MGAM2: variants seen among roughly 807,000 people sequenced by gnomAD.
MGAM2 encodes the protein probable maltase-glucoamylase 2.
Under a neutral mutation model 96.1 loss-of-function variants are expected in MGAM2, and 98 were observed. The observed-to-expected ratio is 1.02, with a 90% CI of 0.87 to 1.21. The LOEUF (loss-of-function observed/expected upper bound fraction) is 1.21. Among genes scored for constraint, MGAM2 ranks in the 50% most tolerant of loss-of-function variants. The probability of loss-of-function intolerance (pLI) is 0.00; values close to 1 mark genes in which losing one functional copy is unlikely to be tolerated. For synonymous variants in MGAM2, 749 were observed against 414.8 expected (o/e 1.81, Z -9.79); for missense variants, 2,055 against 1,182.4 (o/e 1.74, Z -10.82).
chr7:142,149,586 G>C (rs1012520117), intron 15 of MGAM2, among the ~76,000 whole-genome samples: 1 of 152,040 alleles, frequency 6.6e-6, no homozygotes, highest in Non-Finnish European at 1.5e-5. Flanking sequence ...TGTCGCCCAG[G>C]CTGGAGTGCA....
intron 6 of MGAM2, among the ~76,000 whole-genome samples, chr7:142,132,364 T>C (rs1390137442): frequency 1.4e-5 from 2 of 143,972 alleles, no homozygotes; most frequent in Non-Finnish European, 3.0e-5. Context: ...TTATATAATA[T>C]ATAATTACAT....
At chr7:142,141,688 C>T (rs1328253254) in intron 12 of MGAM2, among the ~76,000 whole-genome samples, 1 of 151,796 alleles carries the variant, frequency 6.6e-6, no homozygotes, top group African/African-American at 2.4e-5. Flanking sequence ...TTAGTAGAGA[C>T]GGGGTTTCTC....
chr7:142,194,694 GTA>G (rs202175220), intron 37 of MGAM2, among the ~76,000 whole-genome samples: 3,717 of 82,182 alleles, frequency 0.045, 63 homozygotes, highest in African/African-American at 0.059. Flanking sequence ...GAACATGTGT[GTA>G]TGTGTGTGTG....
chr7:142,164,551 TG>T (rs1360055848), intron 23 of MGAM2, among the ~76,000 whole-genome samples: 3 of 152,172 alleles, frequency 2.0e-5, no homozygotes, highest in Non-Finnish European at 4.4e-5. Flanking sequence ...CTTATCTTTT[TG>T]TTTACTGTGT....
At chr7:142,112,631 A>G (rs1303926439) in intron 1 of MGAM2, among the ~76,000 whole-genome samples, 1 of 151,910 alleles carries the variant, frequency 6.6e-6, no homozygotes, top group Non-Finnish European at 1.5e-5. Context: ...GCAGCCTAGG[A>G]TACATTGTCG....
In MGAM2 at chr7:142,220,311, A is replaced by C. The variant is rs1168960757; in HGVS notation, c.5800A>C (p.Asn1934His). The stretch of plus-strand genomic sequence containing the variant: ...AACAAATGCTAGTACTGCTAGCACT[A>C]ATGCTACTGTTCCTATCACAACCAC... Reference protein sequence around the residue: ...FPTNASTASTNATVPITTTCF... With the variant: ...FPTNASTASTHATVPITTTCF... The change falls in exon 48 of 48, where the codon AAT becomes CAT. Residue 1934 changes from asparagine to histidine, a missense_variant. Physicochemically the swap from Asn to His is moderately conservative, Grantham distance 68. Transcript: ENST00000477922. The C allele has an allele frequency of 4.3e-6, 3 of 702,734 alleles. No individual in the cohort carries two copies. 43.5% of individuals were successfully genotyped at this position (702,734 alleles called of 1,614,324 possible). A position where few individuals can be genotyped will look rare whatever the true frequency, so the allele number is the denominator to read the frequency against.
At chr7:142,134,173 A>G (rs776991826) in intron 7 of MGAM2, 21 bp downstream of exon 7, 3 of 722,094 alleles carry the variant, frequency 4.2e-6, no homozygotes, top group Non-Finnish European at 5.1e-6. Context: ...TTTCCTCCTG[A>G]GTATCGCCCA....
intron 22 of MGAM2, among the ~76,000 whole-genome samples, chr7:142,161,662 T>C (rs1271093380): frequency 1.3e-5 from 2 of 152,236 alleles, no homozygotes; most frequent in Non-Finnish European, 2.9e-5. Flanking sequence ...TAGTATGTAT[T>C]GTGTAGGCCT....
At chr7:142,134,797 G>A (rs1324388767) in intron 7 of MGAM2, among the ~76,000 whole-genome samples, 1 of 149,062 alleles carries the variant, frequency 6.7e-6, no homozygotes, top group Non-Finnish European at 1.5e-5. Context: ...AAAAAATCTA[G>A]CACTGGCAAT....
chr7:142,218,306 C>A, intron 46 of MGAM2, 55 bp from the exon 47 acceptor site: 3 of 543,198 alleles, frequency 5.5e-6, no homozygotes, highest in South Asian at 3.1e-5. Flanking sequence ...TAATATGGAC[C>A]ATAGTCTATC....
At chr7:142,135,955 C>T (rs1053756940) in intron 7 of MGAM2, among the ~76,000 whole-genome samples, 1 of 152,052 alleles carries the variant, frequency 6.6e-6, no homozygotes, top group Admixed American at 6.6e-5. Context: ...TTTTGGTATA[C>T]ATCATAGCAA....
At chr7:142,173,582 G>A (rs1017301862) in intron 31 of MGAM2, among the ~76,000 whole-genome samples, 13 of 152,040 alleles carry the variant, frequency 8.6e-5, no homozygotes, top group Non-Finnish European at 1.3e-4. Flanking sequence ...AGTAATCAAC[G>A]TTAATAATTT....
At chr7:142,182,054 C>T (rs1278736385) in intron 32 of MGAM2, among the ~76,000 whole-genome samples, 1 of 152,120 alleles carries the variant, frequency 6.6e-6, no homozygotes, top group Admixed American at 6.5e-5. Flanking sequence ...ACCAGTCTGG[C>T]AGAGGGAGGC....
chr7:142,203,723 AG>A (rs1797310715), intron 45 of MGAM2, among the ~76,000 whole-genome samples: 1 of 152,150 alleles, frequency 6.6e-6, no homozygotes, highest in East Asian at 1.9e-4. Flanking sequence ...TCTTTGACAA[AG>A]GTGACAAAAA....
chr7:142,132,304 A>G (rs1199571381), intron 6 of MGAM2, among the ~76,000 whole-genome samples: 1 of 147,176 alleles, frequency 6.8e-6, no homozygotes, highest in Admixed American at 6.9e-5. Flanking sequence ...GCTAAGTTAT[A>G]TAATTTTATA....
chr7:142,124,550 G>T (rs1794684867), intron 3 of MGAM2, among the ~76,000 whole-genome samples: 1 of 152,010 alleles, frequency 6.6e-6, no homozygotes. Context: ...CTTATTCTTT[G>T]CCCTTTAGGT....
intron 42 of MGAM2, 143 bp from the exon 43 acceptor site, chr7:142,197,996 G>T: frequency 1.7e-6 from 1 of 584,174 alleles, no homozygotes; most frequent in Non-Finnish European, 3.0e-6. Flanking sequence ...AATTTTTCAG[G>T]ATTTTTCTTA....
At chr7:142,133,359 A>T (rs1585149810) in intron 6 of MGAM2, among the ~76,000 whole-genome samples, 1 of 149,432 alleles carries the variant, frequency 6.7e-6, no homozygotes, top group South Asian at 2.1e-4. Context: ...TGTGGTTTAC[A>T]TATATTGTAA....
chr7:142,189,434 G>T lies in MGAM2; in HGVS notation c.4275G>T (p.Pro1425=). ...GCATGGAGAGTCAGCAGATCCTGCCGGACAGCTCCCCCGTGGAGCACTACA... is the reference window on the plus strand; with the variant it reads ...GCATGGAGAGTCAGCAGATCCTGCCTGACAGCTCCCCCGTGGAGCACTACA... ...TLCMESQQIL[P]DSSPVEHYNV... The change falls in exon 37 of 48, where the codon CCG becomes CCT. Residue 1425 remains proline, a synonymous_variant. Coordinates refer to ENST00000477922, the MANE Select transcript of MGAM2 (RefSeq NM_001293626.2). 1 of 762,898 alleles carries T rather than the reference G, an allele frequency of 1.3e-6. No individual in the cohort carries two copies. The allele number at this position is 762,898 out of a possible 1,614,324, so 47.3% of individuals were successfully genotyped here. A position where few individuals can be genotyped will look rare whatever the true frequency, so the allele number is the denominator to read the frequency against.
Sources: gnomAD v4.1 joint callset for allele counts (sites outside exome capture counted in the v4.1 genomes callset) on GRCh38, gnomAD v4.1.1 for gene constraint, MANE v1.5 for transcripts, NCBI Gene and HGNC (gene_info 2026-07-23, HGNC 2026-07-21) for gene names.